IQCJ: variants seen among roughly 807,000 people sequenced by gnomAD.
IQCJ encodes the protein IQ domain-containing protein J.
IQCJ carries 9 observed loss-of-function variants against 11.0 expected under a neutral mutation model. That is an observed-to-expected ratio of 0.82 (90% confidence interval 0.49 to 1.43). The LOEUF (loss-of-function observed/expected upper bound fraction) is 1.43, where lower values mean the gene tolerates loss of function less well. Ranked by LOEUF, IQCJ falls within the 40% of genes most tolerant of loss-of-function variation. The pLI is 0.00. For missense variants in IQCJ, 146 were observed against 133.2 expected, an observed-to-expected ratio of 1.10 and a Z score of -0.47; for synonymous variants, 55 against 51.3, an observed-to-expected ratio of 1.07 and a Z score of -0.31.
intron 1 of IQCJ, among the ~76,000 whole-genome samples, chr3:159,196,101 A>G (rs989217240): frequency 6.6e-5 from 10 of 152,218 alleles, no homozygotes; most frequent in African/African-American, 2.4e-4. Context: ...GCAACATAAC[A>G]TAAGGAAATT....
intron 1 of IQCJ, among the ~76,000 whole-genome samples, chr3:159,129,739 T>C (rs1389584775): frequency 1.3e-5 from 2 of 152,184 alleles, no homozygotes; most frequent in Non-Finnish European, 2.9e-5. Flanking sequence ...ATATACATTA[T>C]CCCTGATGTA....
At chr3:159,107,602 A>G (rs1718343981) in intron 1 of IQCJ, among the ~76,000 whole-genome samples, 1 of 152,182 alleles carries the variant, frequency 6.6e-6, no homozygotes, top group Non-Finnish European at 1.5e-5. Flanking sequence ...GCTGAGTCTG[A>G]TAATACTATT....
chr3:159,101,437 G>A (rs566482960), intron 1 of IQCJ, among the ~76,000 whole-genome samples: 39 of 152,276 alleles, frequency 2.6e-4, no homozygotes, highest in African/African-American at 7.9e-4. Flanking sequence ...GGAGCCTGGC[G>A]TACCTGAGGT....
chr3:159,233,163 T>C (rs1049061660), intron 1 of IQCJ, among the ~76,000 whole-genome samples: 6 of 152,184 alleles, frequency 3.9e-5, no homozygotes, highest in African/African-American at 1.2e-4. Flanking sequence ...CATGATCTCA[T>C]TCTGGGTTTT....
chr3:159,132,219 G>A lies in IQCJ; in HGVS notation c.9+62778G>A, dbSNP rs1273899316. On this transcript the variant is annotated intron_variant, in intron 1 of 3. Coordinates refer to ENST00000397832, the MANE Select transcript of IQCJ (RefSeq NM_001042706.3). The stretch of plus-strand genomic sequence containing the variant: ...TTTTTTAAGATTTAGGCTCAGAATT[G>A]GAAGTTACCTTGGGGTTGTCTCCTT... Among the ~76,000 whole-genome samples, 5 of 152,132 alleles carry A rather than the reference G, an allele frequency of 3.3e-5. No individual in the cohort carries two copies. In the East Asian group the frequency reaches 9.6e-4, roughly 29 times the overall value.
chr3:159,120,089 T>C (rs1390956130), intron 1 of IQCJ, among the ~76,000 whole-genome samples: 1 of 152,180 alleles, frequency 6.6e-6, no homozygotes, highest in Non-Finnish European at 1.5e-5. Context: ...TAGTCAAAAA[T>C]TAGTTAAATC....
At chr3:159,169,521 C>T (rs548475576) in intron 1 of IQCJ, among the ~76,000 whole-genome samples, 3 of 151,902 alleles carry the variant, frequency 2.0e-5, no homozygotes, top group South Asian at 2.1e-4. Context: ...AACTACTGAC[C>T]TCAGGTAATC....
At chr3:159,136,766 C>CA (rs923548704) in intron 1 of IQCJ, among the ~76,000 whole-genome samples, 1 of 152,216 alleles carries the variant, frequency 6.6e-6, no homozygotes, top group Non-Finnish European at 1.5e-5. Context: ...CTAATACCAT[C>CA]ACCCTGGAAG....
chr3:159,162,656 C>G (rs1255286637), intron 1 of IQCJ, among the ~76,000 whole-genome samples: 7 of 151,816 alleles, frequency 4.6e-5, no homozygotes, highest in Non-Finnish European at 1.0e-4. Flanking sequence ...AAAGGATCAA[C>G]AAAATTGATA....
In IQCJ at chr3:159,087,815, C is replaced by G. The variant is rs1443651017; in HGVS notation, c.9+18374C>G. Among the ~76,000 whole-genome samples the G allele has an allele frequency of 7.1e-3, 1,067 of 150,950 alleles. 2 individuals are homozygous for G. Among genetic ancestry groups the G allele is most frequent in the Non-Finnish European group, 0.01 (688 of 67,690 alleles). ...CTATTTGAGTCTTCTCTCTTTTTTT[C>G]TTTATTAGTCTTGCTAGTGGTCTAT... On this transcript the variant is annotated intron_variant, in intron 1 of 3. Coordinates refer to ENST00000397832, the MANE Select transcript of IQCJ (RefSeq NM_001042706.3).
chr3:159,165,408 A>G (rs551739704), intron 1 of IQCJ, among the ~76,000 whole-genome samples: 4 of 152,324 alleles, frequency 2.6e-5, no homozygotes, highest in South Asian at 4.1e-4. Flanking sequence ...TTCAGGTACT[A>G]TGTGCCAGAG....
intron 1 of IQCJ, among the ~76,000 whole-genome samples, chr3:159,188,265 C>G (rs1312060579): frequency 6.6e-6 from 1 of 152,040 alleles, no homozygotes; most frequent in African/African-American, 2.4e-5. Flanking sequence ...ACAAAATTAG[C>G]CGGGTGTGGT....
chr3:159,148,605 T>C (rs765525305), intron 1 of IQCJ, among the ~76,000 whole-genome samples: 2 of 152,334 alleles, frequency 1.3e-5, no homozygotes, highest in Non-Finnish European at 1.5e-5. Flanking sequence ...CTTAAATACA[T>C]TGAAACTGAG....
chr3:159,107,501 T>C (rs868122476), intron 1 of IQCJ, among the ~76,000 whole-genome samples: 1 of 152,198 alleles, frequency 6.6e-6, no homozygotes, highest in African/African-American at 2.4e-5. Context: ...CCTAACTGCT[T>C]AAGGGGCTTA....
At position 159,142,179 on chromosome 3, in the gene IQCJ, T is replaced by C. The variant is rs577035551; in HGVS notation, c.9+72738T>C. Among the ~76,000 whole-genome samples, 15 of 152,310 alleles carry C rather than the reference T, an allele frequency of 9.8e-5. 2 individuals carry two copies. In the South Asian group the frequency reaches 2.9e-3, roughly 29 times the overall value. On this transcript the variant is annotated intron_variant, in intron 1 of 3. Transcript: ENST00000397832. ...AGCATAAATATCTGATTTGATTTTG[T>C]TTTTTAGTCTGCAGTCACAGTCAAA... is the stretch of plus-strand genomic sequence containing the variant.
At chr3:159,214,268 G>C (rs1278853359) in intron 1 of IQCJ, among the ~76,000 whole-genome samples, 1 of 152,082 alleles carries the variant, frequency 6.6e-6, no homozygotes, top group African/African-American at 2.4e-5. Context: ...AAGAAGTTGA[G>C]AATTATTATA....
At chr3:159,256,160 G>C (rs1727883763) in intron 3 of IQCJ, among the ~76,000 whole-genome samples, 2 of 152,126 alleles carry the variant, frequency 1.3e-5, no homozygotes, top group Admixed American at 1.3e-4. Flanking sequence ...AGCTATGTGC[G>C]ATCCCCCAAT....
intron 1 of IQCJ, among the ~76,000 whole-genome samples, chr3:159,220,044 G>A (rs1725447983): frequency 1.3e-5 from 2 of 152,162 alleles, no homozygotes. Flanking sequence ...AAGTTTACAA[G>A]TGGCGTGCTT....
At chr3:159,154,813 A>G (rs1331764286) in intron 1 of IQCJ, among the ~76,000 whole-genome samples, 1 of 152,154 alleles carries the variant, frequency 6.6e-6, no homozygotes, top group East Asian at 1.9e-4. Context: ...CCTGTAGCCA[A>G]TGGCCGTGCT....
Sources: gnomAD v4.1 joint callset for allele counts (sites outside exome capture counted in the v4.1 genomes callset) on GRCh38, gnomAD v4.1.1 for gene constraint, MANE v1.5 for transcripts, NCBI Gene and HGNC (gene_info 2026-07-23, HGNC 2026-07-21) for gene names.